FARS2: variants seen among roughly 807,000 people sequenced by gnomAD.
FARS2 encodes phenylalanyl-tRNA synthetase 2, mitochondrial.
Under a neutral mutation model 46.4 loss-of-function variants are expected in FARS2, and 40 were observed. The observed-to-expected ratio is 0.86, with a 90% CI of 0.67 to 1.12. The LOEUF is 1.12. FARS2 is among the 50% of genes most tolerant of loss of function. The pLI is 0.00. For missense variants in FARS2, 513 were observed against 567.9 expected (o/e 0.90, Z 0.98); for synonymous variants, 234 against 214.9 (o/e 1.09, Z -0.78).
intron 1 of FARS2, among the ~76,000 whole-genome samples, chr6:5,293,361 G>A (rs957546003): frequency 2.0e-5 from 3 of 152,174 alleles, no homozygotes; most frequent in East Asian, 1.9e-4. Context: ...GCTTCTGCTT[G>A]CATCCACATA....
chr6:5,341,235 A>ATATT (rs1561970178), intron 1 of FARS2, among the ~76,000 whole-genome samples: 1 of 10,274 alleles, frequency 9.7e-5, no homozygotes, highest in Non-Finnish European at 2.0e-4. Flanking sequence ...ATATATATAT[A>ATATT]TTTTTTTTTT....
chr6:5,320,492 T>G (rs985165291), intron 1 of FARS2, among the ~76,000 whole-genome samples: 1 of 152,238 alleles, frequency 6.6e-6, no homozygotes, highest in African/African-American at 2.4e-5. Context: ...CACCTGCTTC[T>G]TTCTTTCCTC....
At chr6:5,644,679 C>T (rs1285614773) in intron 6 of FARS2, among the ~76,000 whole-genome samples, 3 of 152,202 alleles carry the variant, frequency 2.0e-5, no homozygotes, top group Non-Finnish European at 4.4e-5. Context: ...GTGATGTGCC[C>T]CAGAGGAAAG....
At chr6:5,709,695 T>TGC (rs1270509158) in intron 6 of FARS2, among the ~76,000 whole-genome samples, 2,860 of 114,078 alleles carry the variant, frequency 0.025, 48 homozygotes, top group Middle Eastern at 0.049. Context: ...TGTGTGTGTG[T>TGC]GTGCGCATGC....
chr6:5,558,214 A>G (rs1381938346), intron 5 of FARS2, among the ~76,000 whole-genome samples: 3 of 152,266 alleles, frequency 2.0e-5, no homozygotes, highest in Admixed American at 6.5e-5. Flanking sequence ...CACTACTTCA[A>G]TCAGAGGCTC....
chr6:5,337,232 A>C (rs2127586423), intron 1 of FARS2, among the ~76,000 whole-genome samples: 1 of 151,808 alleles, frequency 6.6e-6, no homozygotes, highest in South Asian at 2.1e-4. Context: ...AAAATATCAG[A>C]GTTTGTTTGC....
At chr6:5,615,502 G>A (rs1408560728) in intron 6 of FARS2, among the ~76,000 whole-genome samples, 3 of 151,974 alleles carry the variant, frequency 2.0e-5, no homozygotes, top group African/African-American at 7.3e-5. Context: ...CTGCTTTCTG[G>A]TCTTCCTTCA....
chr6:5,621,155 T>G (rs1775753071), intron 6 of FARS2, among the ~76,000 whole-genome samples: 1 of 152,230 alleles, frequency 6.6e-6, no homozygotes, highest in South Asian at 2.1e-4. Flanking sequence ...CTTTGTTCTG[T>G]TGCCCAGGCT....
chr6:5,701,303 G>A (rs1758421551), intron 6 of FARS2, among the ~76,000 whole-genome samples: 1 of 152,248 alleles, frequency 6.6e-6, no homozygotes, highest in African/African-American at 2.4e-5. Flanking sequence ...GCCGGTGTTA[G>A]TGGTGTCTGC....
At chr6:5,317,002 ATCACACTCACCTCCTG>A (rs1281689666) in intron 1 of FARS2, among the ~76,000 whole-genome samples, 3 of 152,050 alleles carry the variant, frequency 2.0e-5, no homozygotes, top group East Asian at 1.9e-4. Context: ...CCAGTACCTA[ATCACACTCACCTCCTG>A]TCACACTCAC....
intron 5 of FARS2, among the ~76,000 whole-genome samples, chr6:5,562,317 G>A (rs375630523): frequency 1.1e-4 from 16 of 152,046 alleles, no homozygotes; most frequent in Non-Finnish European, 2.1e-4. Context: ...TTTTAACGGC[G>A]TTATAGAGTG....
Position 5,764,280 on chromosome 6 carries a change from CA to C in FARS2, c.1218-7008del, listed in dbSNP as rs1762638905. Among the ~76,000 whole-genome samples the C allele has an allele frequency of 6.6e-6, 1 of 152,156 alleles. No individual in the cohort carries two copies. The highest frequency in any genetic ancestry group is 2.1e-4 in the South Asian group (1 of 4,824). ...AATTAGAACCAAGTTTCTCTAGCTGCAAAGTCTGGTTCTCCACTCCACCATG... is the reference window on the plus strand; with the variant it reads ...AATTAGAACCAAGTTTCTCTAGCTGCAAGTCTGGTTCTCCACTCCACCATG... On this transcript the variant is annotated intron_variant, in intron 6 of 6. Coordinates refer to ENST00000274680, the MANE Select transcript of FARS2 (RefSeq NM_006567.5). This position sits in a 1 kb window ranked among gnomAD's most constrained non-coding sequence, Gnocchi z 4.1.
intron 4 of FARS2, among the ~76,000 whole-genome samples, chr6:5,492,254 T>C (rs1767167609): frequency 6.6e-6 from 1 of 152,214 alleles, no homozygotes; most frequent in South Asian, 2.1e-4. Flanking sequence ...ATTTGAACGC[T>C]TTTCTTTAAA....
chr6:5,595,766 C>T (rs1271559682), intron 5 of FARS2, among the ~76,000 whole-genome samples: 2 of 152,084 alleles, frequency 1.3e-5, no homozygotes, highest in East Asian at 3.9e-4. Context: ...ATACGCTTAC[C>T]GACGCTGACA....
chr6:5,553,997 A>G (rs972485314), intron 5 of FARS2, among the ~76,000 whole-genome samples: 8 of 152,344 alleles, frequency 5.3e-5, no homozygotes, highest in African/African-American at 1.9e-4. Context: ...CATTTTGAGT[A>G]TAACTATTAT....
intron 1 of FARS2, among the ~76,000 whole-genome samples, chr6:5,297,008 C>T (rs1471991749): frequency 6.6e-6 from 1 of 152,214 alleles, no homozygotes; most frequent in Admixed American, 6.5e-5. Flanking sequence ...TACTGTTTTC[C>T]ACAGTGGCTG....
At chr6:5,757,685 T>C (rs1462704168) in intron 6 of FARS2, among the ~76,000 whole-genome samples, 1 of 152,194 alleles carries the variant, frequency 6.6e-6, no homozygotes, top group East Asian at 1.9e-4. Flanking sequence ...CATGCCTAAA[T>C]TGGAATCCCA....
chr6:5,591,679 C>T (rs190791683), intron 5 of FARS2, among the ~76,000 whole-genome samples: 16 of 152,304 alleles, frequency 1.1e-4, no homozygotes, highest in African/African-American at 3.8e-4. Context: ...CTTCTCGCCC[C>T]GAGGATCCTT....
At chr6:5,394,104 T>G (rs1760748370) in intron 2 of FARS2, among the ~76,000 whole-genome samples, 7 of 152,246 alleles carry the variant, frequency 4.6e-5, no homozygotes, top group Admixed American at 3.9e-4. Flanking sequence ...AAGAGGGGAC[T>G]ATTTAAGCTT....
Sources: gnomAD v4.1 joint callset for allele counts (sites outside exome capture counted in the v4.1 genomes callset) on GRCh38, gnomAD v4.1.1 for gene constraint, Gnocchi (gnomAD v3.1) non-coding constraint, MANE v1.5 for transcripts, NCBI Gene and HGNC (gene_info 2026-07-23, HGNC 2026-07-21) for gene names.